The following SUMF1 variants were observed in gnomAD, a reference collection of about 807,000 sequenced individuals.
The protein encoded by SUMF1 is formylglycine-generating enzyme.
Under a neutral mutation model 47.6 loss-of-function variants are expected in SUMF1, and 48 were observed. The observed-to-expected ratio is 1.01, with a 90% CI of 0.80 to 1.28. The LOEUF (loss-of-function observed/expected upper bound fraction) is 1.28. Ranked by LOEUF, SUMF1 falls within the 50% of genes most tolerant of loss-of-function variation. The probability of loss-of-function intolerance (pLI) is 0.00; values close to 1 mark genes in which losing one functional copy is unlikely to be tolerated. For missense variants in SUMF1, 571 were observed against 485.4 expected (o/e 1.18, Z -1.66); for synonymous variants, 230 against 192.1 (o/e 1.20, Z -1.63).
chr3:4,423,422 G>A (rs1434661953), intron 3 of SUMF1, among the ~76,000 whole-genome samples: 1 of 151,980 alleles, frequency 6.6e-6, no homozygotes, highest in Non-Finnish European at 1.5e-5. Context: ...CCTCAAGTCA[G>A]TTTATGTATA....
chr3:4,140,408 G>A (rs1190809682), intron 8 of SUMF1, among the ~76,000 whole-genome samples: 1 of 151,882 alleles, frequency 6.6e-6, no homozygotes, highest in Non-Finnish European at 1.5e-5. Flanking sequence ...CCATTCTTAT[G>A]TAACTTCCTG....
chr3:4,263,424 A>G (rs1697125626), intron 8 of SUMF1, among the ~76,000 whole-genome samples: 1 of 152,228 alleles, frequency 6.6e-6, no homozygotes, highest in African/African-American at 2.4e-5. Context: ...TCTAAATGCT[A>G]TGAGGAAACA....
intron 9 of SUMF1, among the ~76,000 whole-genome samples, chr3:4,035,238 T>C (rs1485282622): frequency 6.6e-6 from 1 of 152,186 alleles, no homozygotes; most frequent in Admixed American, 6.5e-5. Context: ...AACAAGAGTG[T>C]ACTGTCTCAC....
intron 8 of SUMF1, among the ~76,000 whole-genome samples, chr3:4,327,372 T>G (rs985922590): frequency 6.6e-6 from 1 of 152,186 alleles, no homozygotes; most frequent in Non-Finnish European, 1.5e-5. Context: ...GAAGAGTCTT[T>G]TCCATAAATT....
rs886058519 is a variant in SUMF1, at chr3:4,449,294, T to G, written c.491A>C (p.Glu164Ala). The change falls in exon 3 of 9, where the codon GAG (glutamate) becomes GCG (alanine). Residue 164 changes from glutamate to alanine, a missense_variant. By Grantham distance (107) the Glu-to-Ala change is moderately radical (BLOSUM62 -1). Transcript: ENST00000272902. ...DSFVFEGMLS[E>A]QVKTNIQQAV... is the part of the protein sequence containing the mutation. Reference sequence around the variant, plus strand: ...CTGTTGAATATTGGTCTTCACTTGCTCACTCAACATGCCTTCAAAGACAAA... The same window carrying G: ...CTGTTGAATATTGGTCTTCACTTGCGCACTCAACATGCCTTCAAAGACAAA... The G allele has an allele frequency of 5.0e-6, 8 of 1,614,060 alleles. No individual in the cohort carries two copies. Among genetic ancestry groups the G allele is most frequent in the Non-Finnish European group, 5.9e-6 (7 of 1,180,014 alleles).
At chr3:4,106,575 A>T (rs752386650) in intron 8 of SUMF1, among the ~76,000 whole-genome samples, 3 of 152,120 alleles carry the variant, frequency 2.0e-5, no homozygotes, top group Non-Finnish European at 2.9e-5. Context: ...ATCTTTTCCA[A>T]CGTAAACAAA....
At chr3:4,146,333 G>A (rs1196197278) in intron 8 of SUMF1, among the ~76,000 whole-genome samples, 1 of 151,834 alleles carries the variant, frequency 6.6e-6, no homozygotes, top group African/African-American at 2.4e-5. Flanking sequence ...AGACTATGGA[G>A]GTAAAGGAAA....
intron 8 of SUMF1, among the ~76,000 whole-genome samples, chr3:4,326,571 G>C (rs1698951016): frequency 7.3e-6 from 1 of 137,468 alleles, no homozygotes; most frequent in Non-Finnish European, 1.5e-5. Flanking sequence ...AGGCTGGAAT[G>C]AAGTGACATG....
chr3:4,134,910 A>G (rs190511428), intron 8 of SUMF1, among the ~76,000 whole-genome samples: 58 of 152,338 alleles, frequency 3.8e-4, no homozygotes, highest in African/African-American at 1.3e-3. Context: ...CACTTTCCCA[A>G]GACTAAATCA....
intron 8 of SUMF1, among the ~76,000 whole-genome samples, chr3:4,283,498 T>C (rs1559649548): frequency 6.6e-6 from 1 of 151,974 alleles, no homozygotes. Context: ...AACCCTTTGT[T>C]AAAATTCAAA....
chr3:4,197,748 C>T (rs1486595316), intron 8 of SUMF1, among the ~76,000 whole-genome samples: 2 of 152,056 alleles, frequency 1.3e-5, no homozygotes, highest in Non-Finnish European at 2.9e-5. Context: ...TTATGTCAAA[C>T]GACTAACCTT....
intron 7 of SUMF1, among the ~76,000 whole-genome samples, chr3:4,390,896 T>C (rs1267288194): frequency 6.6e-6 from 1 of 152,218 alleles, no homozygotes; most frequent in Non-Finnish European, 1.5e-5. Context: ...AATTCTTTTA[T>C]GTGCAGTGTC....
chr3:4,240,967 G>C (rs1696524247), intron 8 of SUMF1, among the ~76,000 whole-genome samples: 3 of 151,950 alleles, frequency 2.0e-5, no homozygotes, highest in African/African-American at 7.2e-5. Flanking sequence ...CCAAACCAAA[G>C]ATACGATATC....
chr3:4,420,544 G>A (rs371881859), intron 3 of SUMF1, among the ~76,000 whole-genome samples: 16 of 151,864 alleles, frequency 1.1e-4, no homozygotes, highest in East Asian at 5.8e-4. Context: ...CTACAGGCAC[G>A]TGCCAGCAAG....
At chr3:4,218,786 ATT>A (rs1695997726) in intron 8 of SUMF1, among the ~76,000 whole-genome samples, 1 of 152,180 alleles carries the variant, frequency 6.6e-6, no homozygotes, top group African/African-American at 2.4e-5. Context: ...CAGAGACAAC[ATT>A]TTGTACATAT....
intron 6 of SUMF1, chr3:4,414,501 G>T (rs1625605): frequency 0.67 from 101,370 of 152,088 alleles, 34,152 homozygotes; most frequent in African/African-American, 0.73. Context: ...GTAAACGATT[G>T]CCATAAGATA....
intron 8 of SUMF1, among the ~76,000 whole-genome samples, chr3:4,339,155 T>A (rs1285759662): frequency 6.6e-6 from 1 of 152,194 alleles, no homozygotes; most frequent in Non-Finnish European, 1.5e-5. Flanking sequence ...CTAATGGGCC[T>A]TAGGCTATGT....
rs557372952 is a variant in SUMF1 at position 4,308,022 on chromosome 3, G to A, written c.1014+68308C>T. On this transcript the variant is annotated intron_variant and NMD_transcript_variant, in intron 8 of 12. Transcript: ENST00000448413. ...ATTGCACTCCAGACTGGGCAGCAAC[G>A]TCTTAAAAAAAAAAAATCCCATTCT... is the stretch of plus-strand genomic sequence containing the variant. Among the ~76,000 whole-genome samples, 40 of 151,300 alleles carry A rather than the reference G, an allele frequency of 2.6e-4. No individual in the cohort carries two copies. In the South Asian group the frequency reaches 5.0e-3, roughly 19 times the overall value.
In SUMF1 at chr3:4,418,111, A is replaced by G. The variant is rs1281193003; in HGVS notation, c.624T>C (p.His208=). ...ILHRPDHPVL[H]VSWNDAVAYC... The stretch of plus-strand genomic sequence containing the variant: ...AGGCAACCGCATCATTCCAGGACAC[A>G]TGGAGAACTGGATGATCCGGCCTGG... Residue 208 remains histidine (H), a synonymous_variant, in exon 5 of 9, where the codon CAT becomes CAC. Coordinates refer to ENST00000272902, the MANE Select transcript of SUMF1 (RefSeq NM_182760.4). 15 of 1,613,950 alleles carry G rather than the reference A, an allele frequency of 9.3e-6. No individual in the cohort carries two copies. The highest frequency in any genetic ancestry group is 1.2e-5 in the Non-Finnish European group (14 of 1,179,998).
Sources: gnomAD v4.1 joint callset for allele counts (sites outside exome capture counted in the v4.1 genomes callset) on GRCh38, gnomAD v4.1.1 for gene constraint, MANE v1.5 for transcripts, NCBI Gene and HGNC (gene_info 2026-07-23, HGNC 2026-07-21) for gene names.